TG: variants seen among roughly 807,000 people sequenced by gnomAD.
TG encodes the protein thyroglobulin, also known as thyroid hormones.
In TG, 270 loss-of-function variants were observed where a neutral mutation model predicts 324.7. The observed-to-expected ratio is 0.83, with a 90% confidence interval of 0.75 to 0.92. The LOEUF (loss-of-function observed/expected upper bound fraction) is 0.92. TG is among the 40% of genes least tolerant of loss of function. The pLI, the probability that TG is intolerant of heterozygous loss-of-function variation, is 0.00. For missense variants in TG, 3,591 were observed against 3,456.4 expected (o/e 1.04, Z -0.98); for synonymous variants, 1,401 against 1,327.0 (o/e 1.06, Z -1.21).
intron 41 of TG, among the ~76,000 whole-genome samples, chr8:133,052,263 C>T (rs978505717): frequency 2.0e-5 from 3 of 152,158 alleles, no homozygotes; most frequent in African/African-American, 4.8e-5. Flanking sequence ...TTATGCTTAT[C>T]GATTGATAAA....
chr8:132,887,956 G>A (rs1207559028), intron 9 of TG, 28 bp from the exon 10 acceptor site: 1 of 1,593,588 alleles, frequency 6.3e-7, no homozygotes, highest in Non-Finnish European at 8.6e-7. Context: ...TTCTTAAACT[G>A]AAACACCTGC....
At chr8:133,005,071 A>G (rs1833905273) in intron 35 of TG, among the ~76,000 whole-genome samples, 2 of 152,206 alleles carry the variant, frequency 1.3e-5, no homozygotes, top group South Asian at 4.1e-4. Context: ...ACGAGTGAAA[A>G]GGAGCACTGG....
chr8:133,124,900 G>C (rs11777992), intron 45 of TG, among the ~76,000 whole-genome samples: 24,893 of 152,176 alleles, frequency 0.16, 2,547 homozygotes, highest in Non-Finnish European at 0.22. Context: ...TTAGTTGACT[G>C]TCTTGGTGAG....
chr8:132,922,958 A>G (rs1034055587), intron 21 of TG, among the ~76,000 whole-genome samples: 3 of 152,188 alleles, frequency 2.0e-5, no homozygotes, highest in Non-Finnish European at 4.4e-5. Context: ...TCCTGAGACA[A>G]TGAGAATTGG....
chr8:132,894,859 T>G (rs1359844370), intron 11 of TG, among the ~76,000 whole-genome samples: 1 of 152,262 alleles, frequency 6.6e-6, no homozygotes, highest in Non-Finnish European at 1.5e-5. Context: ...TCCAGGAGAA[T>G]GATGGTATAA....
At position 132,888,041 on chromosome 8, in the gene TG, T is replaced by C; in HGVS notation, c.2234T>C (p.Leu745Pro). ...GCTTTCCTCAGGACGGTGCAGGCCC[T>C]GCTCTCTAACTCCAGCATGCTACCC... Reference protein sequence around the residue: ...EQAFLRTVQALLSNSSMLPTL... With the variant: ...EQAFLRTVQAPLSNSSMLPTL... Residue 745 changes from leucine to proline, a missense_variant, in exon 10 of 48, where the codon CTG becomes CCG. Physicochemically the swap from Leu to Pro is moderately conservative, Grantham distance 98. Coordinates refer to ENST00000220616, the MANE Select transcript of TG (RefSeq NM_003235.5). The C allele has an allele frequency of 6.2e-7, 1 of 1,614,158 alleles. No individual in the cohort carries two copies. Among genetic ancestry groups the C allele is most frequent in the Non-Finnish European group, 8.5e-7 (1 of 1,180,028 alleles).
At chr8:133,010,746 C>G (rs537048685) in intron 35 of TG, among the ~76,000 whole-genome samples, 4 of 152,182 alleles carry the variant, frequency 2.6e-5, no homozygotes, top group Non-Finnish European at 5.9e-5. Context: ...GCTCTAGGCA[C>G]GGCCCTTGCA....
intron 35 of TG, among the ~76,000 whole-genome samples, chr8:133,011,105 AG>A (rs1345713993): frequency 3.3e-5 from 5 of 152,198 alleles, no homozygotes; most frequent in Admixed American, 3.3e-4. Flanking sequence ...GGGATATAGA[AG>A]GAAGTGAGGG....
intron 46 of TG, among the ~76,000 whole-genome samples, chr8:133,132,191 G>A (rs1851995854): frequency 1.3e-5 from 2 of 152,174 alleles, no homozygotes; most frequent in Admixed American, 6.5e-5. Context: ...CTAGATCGGG[G>A]TTTCTCAACC....
intron 37 of TG, among the ~76,000 whole-genome samples, chr8:133,015,724 G>A (rs1382053108): frequency 6.6e-6 from 1 of 152,204 alleles, no homozygotes; most frequent in Non-Finnish European, 1.5e-5. Context: ...GGTCCTGAGT[G>A]CTTGCCCAAG....
intron 32 of TG, among the ~76,000 whole-genome samples, chr8:132,970,950 A>G (rs1255417535): frequency 1.3e-5 from 2 of 152,138 alleles, no homozygotes; most frequent in Non-Finnish European, 2.9e-5. Flanking sequence ...AGCAGGTAAA[A>G]GCATCACCGC....
rs1336457757 is a variant in TG at position 133,113,491 on chromosome 8, G to T, written c.7642G>T (p.Gly2548Cys). 2 of 1,613,962 alleles carry T rather than the reference G, an allele frequency of 1.2e-6. No homozygotes were observed. The highest frequency in any genetic ancestry group is 1.6e-4 in the Middle Eastern group (1 of 6,062). The part of the protein sequence containing the change: ...AFYQALQNSL[G>C]GEDSDARVEA... The stretch of plus-strand genomic sequence containing the variant: ...TTACCAGGCACTGCAGAATTCTCTG[G>T]GTGGCGAGGACTCAGATGCCCGCGT... The change falls in exon 44 of 48, where the codon GGT (glycine) becomes TGT (cysteine). Residue 2548 changes from glycine to cysteine, a missense_variant. Transcript: ENST00000220616.
intron 40 of TG, among the ~76,000 whole-genome samples, chr8:133,026,969 A>C (rs1337027480): frequency 6.6e-6 from 1 of 152,224 alleles, no homozygotes; most frequent in African/African-American, 2.4e-5. Flanking sequence ...CCTTATGAGG[A>C]AGTGCTATTA....
At chr8:132,946,055 CACACACACACACACACA>C in intron 26 of TG, among the ~76,000 whole-genome samples, 1 of 151,848 alleles carries the variant, frequency 6.6e-6, no homozygotes, top group Non-Finnish European at 1.5e-5. Context: ...CACACACACA[CACACACACACACACACA>C]CCCTATATTT....
At chr8:133,103,582 A>T (rs1849528109) in intron 43 of TG, among the ~76,000 whole-genome samples, 1 of 152,244 alleles carries the variant, frequency 6.6e-6, no homozygotes, top group Non-Finnish European at 1.5e-5. Context: ...ATTCATTATT[A>T]CATTTTCATT....
intron 11 of TG, 126 bp from the exon 12 acceptor site, chr8:132,897,523 G>A: frequency 1.5e-6 from 2 of 1,345,720 alleles, no homozygotes; most frequent in Non-Finnish European, 2.1e-6. Flanking sequence ...GGGTTGAAAT[G>A]TTTGTCAAAT....
chr8:133,118,320 C>CTTTTTT (rs34171048), intron 45 of TG, among the ~76,000 whole-genome samples: 22 of 88,956 alleles, frequency 2.5e-4, no homozygotes, highest in East Asian at 1.3e-3. Context: ...CAGATTCTTC[C>CTTTTTT]TTTTTTTTTT....
intron 35 of TG, among the ~76,000 whole-genome samples, chr8:132,998,578 T>C (rs1051182917): frequency 3.9e-5 from 6 of 152,054 alleles, no homozygotes; most frequent in African/African-American, 9.7e-5. Context: ...AATGGACCAA[T>C]GGGAGGTCTT....
At chr8:133,006,875 T>A (rs967213376) in intron 35 of TG, among the ~76,000 whole-genome samples, 2 of 152,240 alleles carry the variant, frequency 1.3e-5, no homozygotes, top group African/African-American at 4.8e-5. Context: ...AATTTTTTAA[T>A]GTGATTTGGC....
Sources: allele counts gnomAD v4.1 joint callset (sites outside exome capture counted in the v4.1 genomes callset), GRCh38; gene constraint gnomAD v4.1.1; transcripts MANE v1.5; gene names NCBI Gene and HGNC (gene_info 2026-07-23, HGNC 2026-07-21).